Variants in QRSL1 observed in about 807,000 individuals in gnomAD.
QRSL1 encodes glutamyl-tRNA(Gln) amidotransferase subunit A, mitochondrial.
A neutral mutation model predicts 61.6 loss-of-function variants in QRSL1; 54 were observed. That is an observed-to-expected ratio of 0.88 (90% CI 0.70 to 1.10). The LOEUF is 1.10. QRSL1 is among the 50% of genes least tolerant of loss of function. QRSL1 has a pLI of 0.00. For missense variants in QRSL1, 505 were observed against 622.6 expected, an observed-to-expected ratio of 0.81 and a Z score of 2.01; for synonymous variants, 228 against 225.7, an observed-to-expected ratio of 1.01 and a Z score of -0.09.
chr6:106,629,834 G>A (rs1190786136), intron 1 of QRSL1, 129 bp downstream of exon 1: 5 of 1,121,706 alleles, frequency 4.5e-6, no homozygotes, highest in East Asian at 5.2e-5. Context: ...CTGAGTGGGG[G>A]ATAAGTACCT....
intron 10 of QRSL1, among the ~76,000 whole-genome samples, chr6:106,664,733 C>G (rs1221510710): frequency 1.3e-5 from 2 of 152,162 alleles, no homozygotes; most frequent in Non-Finnish European, 2.9e-5. Context: ...CAGTTTGTCT[C>G]ACTTTTGGAA....
At chr6:106,636,245 G>A (rs1158626002) in intron 1 of QRSL1, among the ~76,000 whole-genome samples, 1 of 151,400 alleles carries the variant, frequency 6.6e-6, no homozygotes, top group Non-Finnish European at 1.5e-5. Context: ...TACTCACCCT[G>A]TAGTATAGTA....
chr6:106,652,574 A>T lies in QRSL1; in HGVS notation c.841A>T (p.Ile281Phe). 1 of 1,614,210 alleles carries T rather than the reference A, an allele frequency of 6.2e-7. No individual in the cohort carries two copies. Among genetic ancestry groups the T allele is most frequent in the Non-Finnish European group, 8.5e-7 (1 of 1,180,036 alleles). ...AGATGTGAGCAAACTATGTATAGGA[A>T]TTCCAAAGGTAACTTTTTCCTTTCA... ...LADVSKLCIG[I>F]PKEYLVPELS... Residue 281 changes from isoleucine to phenylalanine, a missense_variant, in exon 7 of 11, where the codon ATT (isoleucine) becomes TTT (phenylalanine). Transcript: ENST00000369046.
intron 9 of QRSL1, 107 bp from the exon 10 acceptor site, chr6:106,662,873 C>A: frequency 9.8e-7 from 1 of 1,018,584 alleles, no homozygotes; most frequent in Non-Finnish European, 1.4e-6. Flanking sequence ...TTTTATTCAG[C>A]CAGAAAATGG....
intron 1 of QRSL1, among the ~76,000 whole-genome samples, chr6:106,637,387 T>C (rs1029166594): frequency 2.0e-5 from 3 of 152,160 alleles, no homozygotes; most frequent in Admixed American, 2.0e-4. Flanking sequence ...ACTTGAAATA[T>C]GATGTGAACA....
In QRSL1 at chr6:106,652,843, G is replaced by A. The variant is rs1777210742; in HGVS notation, c.849+261G>A. The A allele has an allele frequency of 4.8e-6, 6 of 1,240,722 alleles. No homozygotes were observed. In the South Asian group the frequency reaches 4.9e-5, roughly 10 times the overall value. The allele number at this position is 1,240,722 out of a possible 1,614,324, so 76.9% of individuals were successfully genotyped here. A position where few individuals can be genotyped will look rare whatever the true frequency, so the allele number is the denominator to read the frequency against. ...TGTAAATTGTTTCTGTAATGGGCAAGATAGCAAATATTTTAGATTTTGTGG... is the reference window on the plus strand; with the variant it reads ...TGTAAATTGTTTCTGTAATGGGCAAAATAGCAAATATTTTAGATTTTGTGG... On this transcript the variant is annotated intron_variant, in intron 7 of 10. Transcript: ENST00000369046.
intron 5 of QRSL1, among the ~76,000 whole-genome samples, chr6:106,650,781 T>C (rs1210908121): frequency 6.6e-6 from 1 of 152,210 alleles, no homozygotes; most frequent in Non-Finnish European, 1.5e-5. Flanking sequence ...ACTGCATGTC[T>C]GGATGAATGC....
intron 4 of QRSL1, among the ~76,000 whole-genome samples, chr6:106,645,435 T>G (rs1054816618): frequency 2.6e-5 from 4 of 152,092 alleles, no homozygotes; most frequent in Non-Finnish European, 5.9e-5. Context: ...TTTTCTTTTT[T>G]TTTTTGAGAC....
At chr6:106,642,336 G>A (rs938354150) in intron 3 of QRSL1, 38 of 325,168 alleles carry the variant, frequency 1.2e-4, no homozygotes, top group African/African-American at 6.7e-4. Flanking sequence ...GATTACAGGC[G>A]TGAGCCACCC....
chr6:106,631,608 A>G (rs1422696923), intron 1 of QRSL1, among the ~76,000 whole-genome samples: 5 of 152,168 alleles, frequency 3.3e-5, no homozygotes, highest in Non-Finnish European at 7.3e-5. Context: ...TGTGTGTGGA[A>G]GGTTGCAATG....
chr6:106,633,033 C>T lies in QRSL1; in HGVS notation c.24+3328C>T, dbSNP rs193216245. 1.7e-3 allele frequency among the ~76,000 whole-genome samples: 259 copies of T among 152,320 alleles called. 1 individual carries two copies. The highest frequency in any genetic ancestry group is 6.0e-3 in the African/African-American group (248 of 41,574). Reference sequence around the variant, plus strand: ...CTACCTTTTTTAGTGCTACTTCTCTCTGGTGTCATTGAGTTAGCCATTGTG... The same window carrying T: ...CTACCTTTTTTAGTGCTACTTCTCTTTGGTGTCATTGAGTTAGCCATTGTG... On this transcript the variant is annotated intron_variant, in intron 1 of 10. Coordinates refer to ENST00000369046, the MANE Select transcript of QRSL1 (RefSeq NM_018292.5).
intron 2 of QRSL1, 74 bp from the exon 3 acceptor site, chr6:106,640,749 T>C (rs1777004172): frequency 2.3e-6 from 3 of 1,293,468 alleles, no homozygotes; most frequent in Non-Finnish European, 3.3e-6. Context: ...TAGTAGTTAC[T>C]GTAATAACAT....
At chr6:106,659,842 C>T (rs1230259846) in intron 9 of QRSL1, among the ~76,000 whole-genome samples, 2 of 152,138 alleles carry the variant, frequency 1.3e-5, no homozygotes, top group South Asian at 2.1e-4. Context: ...TTTGGCTGTT[C>T]GAAACACAAA....
intron 9 of QRSL1, among the ~76,000 whole-genome samples, chr6:106,656,659 A>G (rs1415894988): frequency 3.3e-5 from 5 of 152,162 alleles, no homozygotes; most frequent in Non-Finnish European, 2.9e-5. Context: ...GATAGTTAGA[A>G]TTACTTTTTA....
At chr6:106,659,663 T>A (rs975977152) in intron 9 of QRSL1, among the ~76,000 whole-genome samples, 1 of 152,158 alleles carries the variant, frequency 6.6e-6, no homozygotes, top group Non-Finnish European at 1.5e-5. Flanking sequence ...CTTTAAACAG[T>A]GTTGGGCTTT....
At chr6:106,648,020 G>A (rs1003570536) in intron 4 of QRSL1, among the ~76,000 whole-genome samples, 3 of 151,504 alleles carry the variant, frequency 2.0e-5, no homozygotes, top group South Asian at 2.1e-4. Context: ...ATTGTAGGCC[G>A]GGCGTGGTGG....
intron 3 of QRSL1, chr6:106,642,474 G>A (rs2114704108): frequency 1.5e-6 from 1 of 668,180 alleles, no homozygotes; most frequent in South Asian, 1.6e-5. Flanking sequence ...TGAACACAAA[G>A]GGAAAGAGGA....
Position 106,663,007 on chromosome 6 carries a change from A to G in QRSL1, c.1188A>G (p.Ala396=), listed in dbSNP as rs756223537. ...ACTATGAAAATTATTTTGTCAAAGCACAGAAAGTGAGACGCCTCATTGCTA... is the reference window on the plus strand; with the variant it reads ...ACTATGAAAATTATTTTGTCAAAGCGCAGAAAGTGAGACGCCTCATTGCTA... ...KENYENYFVK[A]QKVRRLIAND... is the part of the protein sequence containing the mutation. Residue 396 remains alanine, a synonymous_variant, in exon 10 of 11, where the codon GCA becomes GCG. Transcript: ENST00000369046. 3.3e-5 allele frequency: 53 copies of G among 1,611,778 alleles called. No homozygotes were observed. Among genetic ancestry groups the G allele is most frequent in the Non-Finnish European group, 4.4e-5 (52 of 1,177,908 alleles).
intron 5 of QRSL1, among the ~76,000 whole-genome samples, chr6:106,650,009 A>G (rs1246694928): frequency 6.6e-6 from 1 of 152,178 alleles, no homozygotes; most frequent in Non-Finnish European, 1.5e-5. Context: ...TTTTAGAGCT[A>G]TGGAGATGTG....
Sources: allele counts gnomAD v4.1 joint callset (sites outside exome capture counted in the v4.1 genomes callset), GRCh38; gene constraint gnomAD v4.1.1; transcripts MANE v1.5; gene names NCBI Gene and HGNC (gene_info 2026-07-23, HGNC 2026-07-21).